COMMD1: variants seen among roughly 807,000 people sequenced by gnomAD.
COMMD1 encodes COMM domain-containing protein 1.
COMMD1 carries 10 observed loss-of-function variants against 17.2 expected under a neutral mutation model. That is an observed-to-expected ratio of 0.58 (90% CI 0.36 to 0.99). The LOEUF (loss-of-function observed/expected upper bound fraction) is 0.99, where lower values mean the gene tolerates loss of function less well. Among genes scored for constraint, COMMD1 ranks in the 50% least tolerant of loss-of-function variants. The pLI is 0.01. For missense variants in COMMD1, 270 were observed against 231.8 expected (o/e 1.17, Z -1.07); for synonymous variants, 97 against 91.6 (o/e 1.06, Z -0.34).
intron 1 of COMMD1, among the ~76,000 whole-genome samples, chr2:61,974,900 G>A (rs150882081): frequency 1.9e-3 from 283 of 151,826 alleles, no homozygotes; most frequent in African/African-American, 6.0e-3. Flanking sequence ...TTACATTAGC[G>A]TTCACTCTGC....
intron 2 of COMMD1, among the ~76,000 whole-genome samples, chr2:62,062,109 G>A (rs1670877152): frequency 1.3e-5 from 2 of 151,972 alleles, no homozygotes; most frequent in South Asian, 2.1e-4. Context: ...GTTTGTAGCT[G>A]TATGATCTGG....
At chr2:62,008,024 A>G (rs1467289226) in intron 2 of COMMD1, among the ~76,000 whole-genome samples, 1 of 152,116 alleles carries the variant, frequency 6.6e-6, no homozygotes, top group East Asian at 1.9e-4. Flanking sequence ...TCTACAAAAA[A>G]TATGAAAATT....
At chr2:62,013,354 T>C (rs1368354562) in intron 2 of COMMD1, among the ~76,000 whole-genome samples, 1 of 152,192 alleles carries the variant, frequency 6.6e-6, no homozygotes, top group East Asian at 1.9e-4. Context: ...CCAATATTAA[T>C]ATTCCACTCC....
At chr2:61,957,869 T>C (rs1042267749) in intron 1 of COMMD1, among the ~76,000 whole-genome samples, 2 of 152,150 alleles carry the variant, frequency 1.3e-5, no homozygotes, top group African/African-American at 4.8e-5. Context: ...AGAGAACTAC[T>C]CATGGAATAA....
intron 1 of COMMD1, among the ~76,000 whole-genome samples, chr2:61,971,336 C>T (rs1208589456): frequency 1.3e-5 from 2 of 152,200 alleles, no homozygotes; most frequent in South Asian, 2.1e-4. Context: ...AAACTAATCC[C>T]GGTTGGCTAA....
intron 1 of COMMD1, among the ~76,000 whole-genome samples, chr2:61,993,649 G>T (rs1034883923): frequency 2.0e-5 from 3 of 152,202 alleles, no homozygotes; most frequent in Non-Finnish European, 2.9e-5. Context: ...GCTGTGAACA[G>T]TATCTGTTTT....
intron 2 of COMMD1, among the ~76,000 whole-genome samples, chr2:62,111,753 G>A (rs1672462035): frequency 6.6e-6 from 1 of 152,168 alleles, no homozygotes; most frequent in Non-Finnish European, 1.5e-5. Context: ...GGGCCATCCA[G>A]TCTTTTAGTT....
At chr2:61,889,399 C>G (rs1669360080) in intron 1 of COMMD1, among the ~76,000 whole-genome samples, 1 of 151,718 alleles carries the variant, frequency 6.6e-6, no homozygotes, top group African/African-American at 2.4e-5. Flanking sequence ...CATAGCGAGA[C>G]TGGGTTTCGC....
intron 1 of COMMD1, among the ~76,000 whole-genome samples, chr2:61,934,083 C>T (rs958774258): frequency 6.6e-6 from 1 of 151,964 alleles, no homozygotes; most frequent in Non-Finnish European, 1.5e-5. Context: ...TTGGTGTAAT[C>T]CAAAATACCT....
intron 2 of COMMD1, among the ~76,000 whole-genome samples, chr2:62,031,485 G>C (rs1381759270): frequency 6.6e-6 from 1 of 152,150 alleles, no homozygotes; most frequent in East Asian, 1.9e-4. Context: ...GTAGGATACT[G>C]ACTAAAAATA....
At chr2:61,918,590 A>C (rs1670106879) in intron 1 of COMMD1, 1 of 152,194 alleles carries the variant, frequency 6.6e-6, no homozygotes, top group Non-Finnish European at 1.5e-5. Flanking sequence ...CTGGGCCTGG[A>C]AACTTGACTT....
chr2:62,054,969 C>T (rs1432562203), intron 2 of COMMD1, among the ~76,000 whole-genome samples: 2 of 152,130 alleles, frequency 1.3e-5, no homozygotes, highest in Non-Finnish European at 2.9e-5. Flanking sequence ...GCCTGATGAT[C>T]TGAGGTGGAG....
At chr2:62,037,500 T>C (rs1445053165) in intron 2 of COMMD1, among the ~76,000 whole-genome samples, 2 of 152,252 alleles carry the variant, frequency 1.3e-5, no homozygotes, top group African/African-American at 4.8e-5. Context: ...ATGAAAGTCT[T>C]AGATATGGTA....
In COMMD1 at chr2:62,082,368, A is replaced by G. The variant is rs574725043; in HGVS notation, c.463-53463A>G. Among the ~76,000 whole-genome samples, 17 of 152,246 alleles carry G rather than the reference A, an allele frequency of 1.1e-4. No homozygotes were observed. The South Asian group carries it at 3.3e-3, about 30-fold the overall frequency. ...AAGCAGGGAGACCTTAGAACACTCA[A>G]GTGGTAATCCTGGCACTAGCAGGAA... On this transcript the variant is annotated intron_variant, in intron 2 of 2. Transcript: ENST00000311832.
intron 2 of COMMD1, among the ~76,000 whole-genome samples, chr2:62,078,385 C>G (rs1393635606): frequency 2.8e-5 from 4 of 140,418 alleles, no homozygotes; most frequent in Non-Finnish European, 6.1e-5. Context: ...AACTCTGTCT[C>G]TATTAAAAAT....
intron 2 of COMMD1, among the ~76,000 whole-genome samples, chr2:62,089,649 C>T (rs1671768851): frequency 1.3e-5 from 2 of 152,106 alleles, no homozygotes; most frequent in African/African-American, 2.4e-5. Flanking sequence ...TAGGTTTTTC[C>T]TTGTCTCATA....
intron 2 of COMMD1, among the ~76,000 whole-genome samples, chr2:62,106,238 A>G (rs1425983383): frequency 6.6e-6 from 1 of 152,258 alleles, no homozygotes; most frequent in East Asian, 1.9e-4. Flanking sequence ...GGGCACATGT[A>G]CATCATTTTT....
intron 2 of COMMD1, among the ~76,000 whole-genome samples, chr2:62,134,185 A>G (rs1452870587): frequency 1.3e-5 from 2 of 152,164 alleles, no homozygotes; most frequent in African/African-American, 4.8e-5. Context: ...GTTGAGTCTC[A>G]ATTGCCTTCA....
At chr2:62,051,066 GAGA>G (rs1670521157) in intron 2 of COMMD1, among the ~76,000 whole-genome samples, 1 of 152,124 alleles carries the variant, frequency 6.6e-6, no homozygotes, top group Non-Finnish European at 1.5e-5. Flanking sequence ...GCCCTCTAAT[GAGA>G]AGACTATAAA....
Sources: gnomAD v4.1 joint callset for allele counts (sites outside exome capture counted in the v4.1 genomes callset) on GRCh38, gnomAD v4.1.1 for gene constraint, MANE v1.5 for transcripts, NCBI Gene and HGNC (gene_info 2026-07-23, HGNC 2026-07-21) for gene names.